CDK13: variants seen among roughly 807,000 people sequenced by gnomAD.
CDK13 encodes cyclin-dependent kinase 13.
In CDK13, 40 loss-of-function variants were observed where a neutral mutation model predicts 137.6. That is an observed-to-expected ratio of 0.29 (90% CI 0.23 to 0.38). The LOEUF is 0.38. Among genes scored for constraint, CDK13 ranks in the 10% least tolerant of loss-of-function variants. The probability of loss-of-function intolerance (pLI) is 1.00; values close to 1 mark genes in which losing one functional copy is unlikely to be tolerated. For missense variants in CDK13, 1,704 were observed against 1,951.8 expected (o/e 0.87, Z 2.39); for synonymous variants, 869 against 760.1 (o/e 1.14, Z -2.36).
intron 6 of CDK13, among the ~76,000 whole-genome samples, chr7:40,047,079 C>G (rs1050951680): frequency 6.7e-6 from 1 of 148,946 alleles, no homozygotes; most frequent in East Asian, 2.0e-4. Context: ...ACTTAGTTGA[C>G]TTTTCTGTTT....
At chr7:39,992,734 G>A (rs1429288099) in intron 2 of CDK13, among the ~76,000 whole-genome samples, 1 of 151,470 alleles carries the variant, frequency 6.6e-6, no homozygotes. Flanking sequence ...CTTACAGAAT[G>A]TCTCACCTTT....
intron 9 of CDK13, among the ~76,000 whole-genome samples, chr7:40,065,601 T>A (rs1786263546): frequency 6.6e-6 from 1 of 152,124 alleles, no homozygotes; most frequent in Non-Finnish European, 1.5e-5. Flanking sequence ...CTTTAGAACA[T>A]CTAGGTTTAA....
intron 7 of CDK13, among the ~76,000 whole-genome samples, chr7:40,054,016 G>C (rs933898639): frequency 6.6e-6 from 1 of 152,116 alleles, no homozygotes; most frequent in African/African-American, 2.4e-5. Flanking sequence ...CATTATATGG[G>C]AGTGCTTCTC....
intron 12 of CDK13, among the ~76,000 whole-genome samples, chr7:40,089,714 G>C (rs559705396): frequency 7.0e-6 from 1 of 142,962 alleles, no homozygotes; most frequent in Non-Finnish European, 1.5e-5. Flanking sequence ...GAGAGAGAGA[G>C]AGAGAGAGAG....
intron 5 of CDK13, among the ~76,000 whole-genome samples, chr7:40,019,330 A>G (rs1321584155): frequency 6.6e-6 from 1 of 152,218 alleles, no homozygotes; most frequent in Non-Finnish European, 1.5e-5. Context: ...AAAATGTAAC[A>G]AACTTAAGCT....
At chr7:40,089,855 C>G (rs1326377114) in intron 12 of CDK13, among the ~76,000 whole-genome samples, 1 of 151,928 alleles carries the variant, frequency 6.6e-6, no homozygotes, top group African/African-American at 2.4e-5. Flanking sequence ...ATGTGTGGAT[C>G]AGACTGAACT....
At chr7:40,039,414 C>G (rs1407398899) in intron 5 of CDK13, among the ~76,000 whole-genome samples, 1 of 146,604 alleles carries the variant, frequency 6.8e-6, no homozygotes. Flanking sequence ...ATTACAGGTG[C>G]CCACGACCAT....
intron 11 of CDK13, chr7:40,085,659 A>G (rs1786772737): frequency 6.6e-6 from 1 of 152,612 alleles, no homozygotes; most frequent in South Asian, 2.1e-4. Flanking sequence ...AAGCTTCCCA[A>G]TATCGATATT....
intron 7 of CDK13, among the ~76,000 whole-genome samples, chr7:40,054,104 C>T (rs1785956856): frequency 6.6e-6 from 1 of 152,094 alleles, no homozygotes; most frequent in African/African-American, 2.4e-5. Flanking sequence ...CTCAAGTCTG[C>T]TTTAGAGGTA....
At chr7:40,014,158 T>G (rs1784955118) in intron 5 of CDK13, among the ~76,000 whole-genome samples, 2 of 138,136 alleles carry the variant, frequency 1.4e-5, no homozygotes, top group African/African-American at 2.7e-5. Flanking sequence ...AGTCTCCGAC[T>G]CCCGGGTTCA....
chr7:40,093,926 T>A (rs946302417), intron 13 of CDK13, among the ~76,000 whole-genome samples: 31 of 149,430 alleles, frequency 2.1e-4, no homozygotes, highest in African/African-American at 7.5e-4. Context: ...AAAAAAAATT[T>A]TTTTTTTTTT....
In CDK13 at chr7:39,950,612, C is replaced by T. The variant is rs976683467; in HGVS notation, c.-30C>T. On this transcript the variant is annotated 5_prime_UTR_variant, in exon 1 of 14. Coordinates refer to ENST00000181839, the MANE Select transcript of CDK13 (RefSeq NM_003718.5). Reference sequence around the variant, plus strand: ...ATCTGACCCGGGAGGAGGCCGCACCCGCGCCGCGCTCTGCGGCTGGCTCTA... The same window carrying T: ...ATCTGACCCGGGAGGAGGCCGCACCTGCGCCGCGCTCTGCGGCTGGCTCTA... 3.5e-5 allele frequency: 45 copies of T among 1,289,474 alleles called. No homozygotes were observed. In the Middle Eastern group the frequency reaches 1.2e-3, roughly 34 times the overall value. The allele number at this position is 1,289,474 out of a possible 1,614,324, so 79.9% of individuals were successfully genotyped here.
chr7:40,012,353 T>C lies in CDK13; in HGVS notation c.2353+10322T>C, dbSNP rs28767246. 2.1e-3 allele frequency among the ~76,000 whole-genome samples: 322 copies of C among 152,236 alleles called. 3 individuals carry two copies. The highest frequency in any genetic ancestry group is 7.4e-3 in the African/African-American group (309 of 41,536). On this transcript the variant is annotated intron_variant, in intron 5 of 13. Coordinates refer to ENST00000181839, the MANE Select transcript of CDK13 (RefSeq NM_003718.5). ...GCTCATAGCTATAATCCCAGCACTT[T>C]GGGAGGAGGCCAAGGTGGGAGGATA...
intron 3 of CDK13, chr7:39,998,741 CTT>C (rs1047676621): frequency 6.6e-6 from 1 of 151,960 alleles, no homozygotes; most frequent in Non-Finnish European, 1.5e-5. Context: ...AATTATGTAT[CTT>C]TTTGAAGAAT....
intron 1 of CDK13, among the ~76,000 whole-genome samples, chr7:39,953,454 C>T (rs1255720733): frequency 1.3e-5 from 2 of 152,128 alleles, no homozygotes; most frequent in African/African-American, 4.8e-5. Flanking sequence ...GGATTTTGTA[C>T]TTATCAGGTT....
Position 39,951,586 on chromosome 7 carries a change from C to G in CDK13, c.945C>G (p.Ser315=), listed in dbSNP as rs1787208210. 6.7e-7 allele frequency: 1 copy of G among 1,500,856 alleles called. No individual in the cohort carries two copies. Among genetic ancestry groups the G allele is most frequent in the South Asian group, 1.3e-5 (1 of 78,258 alleles). 93.0% of individuals were successfully genotyped at this position (1,500,856 alleles called of 1,614,324 possible). A position where few individuals can be genotyped will look rare whatever the true frequency, so the allele number is the denominator to read the frequency against. The part of the protein sequence containing the change: ...TEPKAYRRRR[S]LSPLGGRDDS... ...CTAAGGCCTACAGGCGGCGGCGGTC[C>G]CTCAGCCCACTGGGAGGCCGGGACG... The change falls in exon 1 of 14, where the codon TCC becomes TCG. Residue 315 remains serine, a synonymous_variant. Transcript: ENST00000181839.
At position 39,950,573 on chromosome 7, in the gene CDK13, G is replaced by C; in HGVS notation, c.-69G>C. 7.9e-7 allele frequency: 1 copy of C among 1,271,544 alleles called. No homozygotes were observed. The highest frequency in any genetic ancestry group is 2.6e-5 in the South Asian group (1 of 37,838). The allele number at this position is 1,271,544 out of a possible 1,614,324, so 78.8% of individuals were successfully genotyped here. A position where few individuals can be genotyped will look rare whatever the true frequency, so the allele number is the denominator to read the frequency against. ...CCGCCGCCGCTCCCGTTTCCGGCGG[G>C]GGAGATGGCCAGGATCTGACCCGGG... On this transcript the variant is annotated 5_prime_UTR_variant, in exon 1 of 14. Coordinates refer to ENST00000181839, the MANE Select transcript of CDK13 (RefSeq NM_003718.5).
At position 39,951,143 on chromosome 7, in the gene CDK13, G is replaced by T; in HGVS notation, c.502G>T (p.Ala168Ser). ...GGGGGGGGCCAGCGCGGCAACGGCG[G>T]CGACGGCTGCCGGGGGAACGGGGGG... ...LLGGASAATA[A>S]TAAGGTGGSG... The change falls in exon 1 of 14, where the codon GCG becomes TCG. Residue 168 changes from alanine to serine, a missense_variant. By Grantham distance (99) the Ala-to-Ser change is moderately conservative (BLOSUM62 1). This residue lies in a region of CDK13 where 1,051 missense variants were observed against 931.0 expected (regional missense o/e 1.13). Coordinates refer to ENST00000181839, the MANE Select transcript of CDK13 (RefSeq NM_003718.5). 2 of 1,242,940 alleles carry T rather than the reference G, an allele frequency of 1.6e-6. No homozygotes were observed. Among genetic ancestry groups the T allele is most frequent in the Non-Finnish European group, 2.0e-6 (2 of 994,960 alleles). 77.0% of individuals were successfully genotyped at this position (1,242,940 alleles called of 1,614,324 possible).
In CDK13 at chr7:39,950,816, C is replaced by T. The variant is rs1227807430; in HGVS notation, c.175C>T (p.Leu59Phe). 2 of 1,434,048 alleles carry T rather than the reference C, an allele frequency of 1.4e-6. No individual in the cohort carries two copies. Among genetic ancestry groups the T allele is most frequent in the Non-Finnish European group, 1.8e-6 (2 of 1,102,154 alleles). The allele number at this position is 1,434,048 out of a possible 1,614,324, so 88.8% of individuals were successfully genotyped here. Residue 59 changes from leucine (L) to phenylalanine (F), a missense_variant, in exon 1 of 14, where the codon CTC becomes TTC. Around this residue, in one of 5 missense-constraint regions of CDK13, gnomAD observed 1,051 missense variants for 931.0 expected, o/e 1.13. Coordinates refer to ENST00000181839, the MANE Select transcript of CDK13 (RefSeq NM_003718.5). Reference sequence around the variant, plus strand: ...ACCGCCGCCGCCCCCGCCGCCTCTGCTCTTCCTGGCTGCTCCCGGCACGGC... The same window carrying T: ...ACCGCCGCCGCCCCCGCCGCCTCTGTTCTTCCTGGCTGCTCCCGGCACGGC... The part of the protein sequence containing the change: ...LQPPPPPPPL[L>F]FLAAPGTAAA...
Sources: allele counts gnomAD v4.1 joint callset (sites outside exome capture counted in the v4.1 genomes callset), GRCh38; gene constraint gnomAD v4.1.1; regional missense constraint gnomAD v4.1.1; transcripts MANE v1.5; gene names NCBI Gene and HGNC (gene_info 2026-07-23, HGNC 2026-07-21).